The following SIRPB1 variants were observed in gnomAD, a reference collection of about 807,000 sequenced individuals.
SIRPB1 encodes signal-regulatory protein beta-1.
Under a neutral mutation model 34.1 loss-of-function variants are expected in SIRPB1, and 28 were observed. That is an observed-to-expected ratio of 0.82 (90% CI 0.61 to 1.12). The LOEUF (loss-of-function observed/expected upper bound fraction) is 1.12. Among genes scored for constraint, SIRPB1 ranks in the 50% most tolerant of loss-of-function variants. The pLI is 0.00. For synonymous variants in SIRPB1, 211 were observed against 203.8 expected, an observed-to-expected ratio of 1.04 and a Z score of -0.30; for missense variants, 499 against 507.0, an observed-to-expected ratio of 0.98 and a Z score of 0.15.
rs1278949770 is a variant in SIRPB1 at position 1,584,069 on chromosome 20, T to C, written c.77-5375A>G. Among the ~76,000 whole-genome samples the C allele has an allele frequency of 8.2e-5, 4 of 48,754 alleles. 2 individuals carry two copies. The highest frequency in any genetic ancestry group is 5.4e-4 in the African/African-American group (4 of 7,384). The allele number at this position is 48,754 out of a possible 152,430, so 32.0% of individuals were successfully genotyped here. On this transcript the variant is annotated intron_variant, in intron 1 of 5. Transcript: ENST00000381605. ...AGAAAGCATTTGACAATATTTAACA[T>C]TTTTTAATCATAAAAGCTCTCAAGA...
chr20:1,565,163 C>T lies in SIRPB1; in HGVS notation c.*337G>A. 2 of 397,756 alleles carry T rather than the reference C, an allele frequency of 5.0e-6. No homozygotes were observed. Among genetic ancestry groups the T allele is most frequent in the Middle Eastern group, 6.3e-4 (1 of 1,594 alleles). 24.6% of individuals were successfully genotyped at this position (397,756 alleles called of 1,614,324 possible). ...CAGGAATCCAGAAGACAGGATAACTCTTGAGAGCCTGGAGAGAGTCTGTGG... is the reference window on the plus strand; with the variant it reads ...CAGGAATCCAGAAGACAGGATAACTTTTGAGAGCCTGGAGAGAGTCTGTGG... On this transcript the variant is annotated 3_prime_UTR_variant, in exon 6 of 6. Coordinates refer to ENST00000381605, the MANE Select transcript of SIRPB1 (RefSeq NM_006065.5).
intron 3 of SIRPB1, among the ~76,000 whole-genome samples, chr20:1,571,355 C>G (rs1268563709): frequency 1.3e-5 from 2 of 152,222 alleles, no homozygotes; most frequent in Non-Finnish European, 2.9e-5. Flanking sequence ...TTAGCTGCTG[C>G]TAGGCTAAGG....
At position 1,572,031 on chromosome 20, in the gene SIRPB1, G is replaced by A. The variant is rs1196910449; in HGVS notation, c.440C>T (p.Pro147Leu). ...AGTELSVRAK[P>L]SAPVVSGPAV... ...AGGGCCCGATACCACGGGGGCAGAG[G>A]GTTTGGCTACAAAAGGACCATCGAT... The change falls in exon 3 of 6, where the codon CCC becomes CTC. Residue 147 changes from proline to leucine, a missense_variant. By Grantham distance (98) the Pro-to-Leu change is moderately conservative (BLOSUM62 -3). Transcript: ENST00000381605. The A allele has an allele frequency of 1.9e-6, 3 of 1,613,948 alleles. No individual in the cohort carries two copies. The highest frequency in any genetic ancestry group is 2.5e-6 in the Non-Finnish European group (3 of 1,179,934).
In SIRPB1 at chr20:1,571,067, C is replaced by A. The variant is rs752436961; in HGVS notation, c.822G>T (p.Val274=). ...AENQANVTCQ[V]SNFYPRGLQL... is the part of the protein sequence containing the mutation. ...GTAGTCCCCGGGGGTAGAAATTGCT[C>A]ACCTGGCAGGTGACGTTTGCCTGGT... The change falls in exon 4 of 6, where the codon GTG becomes GTT. Residue 274 remains valine, a synonymous_variant. Coordinates refer to ENST00000381605, the MANE Select transcript of SIRPB1 (RefSeq NM_006065.5). 3.7e-6 allele frequency: 6 copies of A among 1,614,032 alleles called. No individual in the cohort carries two copies. The highest frequency in any genetic ancestry group is 2.5e-6 in the Non-Finnish European group (3 of 1,179,990).
chr20:1,571,204 C>T (rs748402498), intron 3 of SIRPB1, 67 bp from the exon 4 acceptor site: 118 of 1,478,090 alleles, frequency 8.0e-5, no homozygotes, highest in African/African-American at 1.9e-4. Flanking sequence ...GGCTAAATAA[C>T]GTAGCTCCCA....
rs2091086542 is a variant in SIRPB1 at position 1,561,982 on chromosome 20, AT to A, written c.*3517del. Among the ~76,000 whole-genome samples, 1 of 152,092 alleles carries A rather than the reference AT, an allele frequency of 6.6e-6. No individual in the cohort carries two copies. Among genetic ancestry groups the A allele is most frequent in the African/African-American group, 2.4e-5 (1 of 41,406 alleles). ...CTCTTCTTTCCCATTAATTTATTCAATCATTTATTTATATCAGTATGGACTC... is the reference window on the plus strand; with the variant it reads ...CTCTTCTTTCCCATTAATTTATTCAACATTTATTTATATCAGTATGGACTC... On this transcript the variant is annotated 3_prime_UTR_variant, in exon 6 of 6. Coordinates refer to ENST00000381605, the MANE Select transcript of SIRPB1 (RefSeq NM_006065.5).
In SIRPB1 at chr20:1,570,790, G is replaced by A. The variant is rs762376745; in HGVS notation, c.1084+15C>T. 6.4e-7 allele frequency: 1 copy of A among 1,556,536 alleles called. No homozygotes were observed. Among genetic ancestry groups the A allele is most frequent in the Non-Finnish European group, 8.7e-7 (1 of 1,147,554 alleles). On this transcript the variant is annotated intron_variant, in intron 4 of 5. Transcript: ENST00000381605. ...AAAGAAAAAGACAAAATTTAAAAAT[G>A]GGAAGTAACCGCACCATGGGTGATA... is the stretch of plus-strand genomic sequence containing the variant.
intron 2 of SIRPB1, among the ~76,000 whole-genome samples, chr20:1,576,229 A>G (rs2091307587): frequency 6.8e-6 from 1 of 147,898 alleles, no homozygotes; most frequent in African/African-American, 2.5e-5. Context: ...TATCTGCACA[A>G]TCAGGATAAA....
chr20:1,568,710 A>G (rs1306036146), intron 4 of SIRPB1, among the ~76,000 whole-genome samples: 1 of 152,048 alleles, frequency 6.6e-6, no homozygotes, highest in African/African-American at 2.4e-5. Flanking sequence ...AAGGGAGGAC[A>G]TAGAAAAGAG....
In SIRPB1 at chr20:1,580,822, T is replaced by A. The variant is rs2091390105; in HGVS notation, c.77-2128A>T. On this transcript the variant is annotated intron_variant, in intron 1 of 5. Coordinates refer to ENST00000381605, the MANE Select transcript of SIRPB1 (RefSeq NM_006065.5). ...TCACAAACTTGTTAAAATACAGGAATCTACAAATTGAAGACACAGAAGAAA... is the reference window on the plus strand; with the variant it reads ...TCACAAACTTGTTAAAATACAGGAAACTACAAATTGAAGACACAGAAGAAA... Among the ~76,000 whole-genome samples the A allele has an allele frequency of 4.1e-5, 2 of 48,960 alleles. 1 individual carries two copies. Among genetic ancestry groups the A allele is most frequent in the African/African-American group, 2.7e-4 (2 of 7,418 alleles). 32.1% of individuals were successfully genotyped at this position (48,960 alleles called of 152,430 possible).
chr20:1,571,190 G>A lies in SIRPB1; in HGVS notation c.752-53C>T, dbSNP rs186306026. On this transcript the variant is annotated intron_variant, in intron 3 of 5. Coordinates refer to ENST00000381605, the MANE Select transcript of SIRPB1 (RefSeq NM_006065.5). ...ATCTTGTGGCACAGACAGATCACAG[G>A]GAGGGCTAAATAACGTAGCTCCCAC... 562 of 1,542,712 alleles carry A rather than the reference G, an allele frequency of 3.6e-4. 4 individuals carry two copies. In the East Asian group the frequency reaches 0.012, roughly 34 times the overall value.
rs1226398201 is a variant in SIRPB1, at chr20:1,562,140, T to C, written c.*3360A>G. Among the ~76,000 whole-genome samples, 1 of 152,326 alleles carries C rather than the reference T, an allele frequency of 6.6e-6. No homozygotes were observed. The highest frequency in any genetic ancestry group is 1.5e-5 in the Non-Finnish European group (1 of 68,014). ...CGCCTCTTTGATGTACTCCAGTCAC[T>C]GTGGGTTTTGGTTTTGGGGTTGACT... is the stretch of plus-strand genomic sequence containing the variant. On this transcript the variant is annotated 3_prime_UTR_variant, in exon 6 of 6. Transcript: ENST00000381605.
In SIRPB1 at chr20:1,564,208, G is replaced by A. The variant is rs1191259819; in HGVS notation, c.*1292C>T. ...GTTTTTCTGATTGACTATGGAGACT[G>A]CTTTCCTGGGTTTCAGGTTGCACAG... On this transcript the variant is annotated 3_prime_UTR_variant, in exon 6 of 6. Coordinates refer to ENST00000381605, the MANE Select transcript of SIRPB1 (RefSeq NM_006065.5). 1 of 152,204 alleles carries A rather than the reference G, an allele frequency of 6.6e-6. No individual in the cohort carries two copies. 9.4% of individuals were successfully genotyped at this position (152,204 alleles called of 1,614,324 possible).
intron 1 of SIRPB1, among the ~76,000 whole-genome samples, chr20:1,617,928 TACATATGTATACAC>T (rs925602554): frequency 7.9e-5 from 12 of 152,290 alleles, no homozygotes; most frequent in African/African-American, 2.6e-4. Flanking sequence ...TACATGCATA[TACATATGTATACAC>T]ACATATGTAT....
rs2122264585 is a variant in SIRPB1, at chr20:1,597,673, A to G, written c.77-18979T>C. On this transcript the variant is annotated intron_variant, in intron 1 of 5. Transcript: ENST00000381605. ...TGAGATTTGTAGGGAAAAAATATCC[A>G]AATTATATCATACGTATAAACAAAG... is the stretch of plus-strand genomic sequence containing the variant. 2 of 267,558 alleles carry G rather than the reference A, an allele frequency of 7.5e-6. 1 individual carries two copies. The highest frequency in any genetic ancestry group is 2.6e-4 in the Admixed American group (2 of 7,816). 16.6% of individuals were successfully genotyped at this position (267,558 alleles called of 1,614,324 possible).
At position 1,619,993 on chromosome 20, in the gene SIRPB1, A is replaced by T. The variant is rs2091686823; in HGVS notation, c.-49T>A. 1 of 1,558,822 alleles carries T rather than the reference A, an allele frequency of 6.4e-7. No homozygotes were observed. ...CTGTCCAAACGTCTGTGCTGGGAAG[A>T]TCGCAGACTCTGCTCTGAGGAGAGA... On this transcript the variant is annotated 5_prime_UTR_variant, in exon 1 of 6. Coordinates refer to ENST00000381605, the MANE Select transcript of SIRPB1 (RefSeq NM_006065.5).
Position 1,611,353 on chromosome 20 carries a change from T to C in SIRPB1, c.76+8516A>G. 3.3e-6 allele frequency: 3 copies of C among 895,950 alleles called. 1 individual carries two copies. The highest frequency in any genetic ancestry group is 4.4e-6 in the Non-Finnish European group (3 of 682,094). 55.5% of individuals were successfully genotyped at this position (895,950 alleles called of 1,614,324 possible). A position where few individuals can be genotyped will look rare whatever the true frequency, so the allele number is the denominator to read the frequency against. On this transcript the variant is annotated intron_variant, in intron 1 of 5. Transcript: ENST00000381605. ...GGGATGAAGGAAGCCCACGCTGTAC[T>C]CACCACGCACAGACAGCTCGGTGCC...
rs1345566520 is a variant in SIRPB1, at chr20:1,561,918, A to G, written c.*3582T>C. 1.3e-5 allele frequency among the ~76,000 whole-genome samples: 2 copies of G among 152,160 alleles called. No homozygotes were observed. Among genetic ancestry groups the G allele is most frequent in the Non-Finnish European group, 2.9e-5 (2 of 68,028 alleles). On this transcript the variant is annotated 3_prime_UTR_variant, in exon 6 of 6. Transcript: ENST00000381605. ...CCACCTCCTTTAGAGTGGAGTGTAT[A>G]AATAAATTATCTGGGACTCTTCTGC... is the stretch of plus-strand genomic sequence containing the variant.
intron 4 of SIRPB1, among the ~76,000 whole-genome samples, chr20:1,567,132 AAGG>A (rs909086738): frequency 8.5e-5 from 13 of 152,112 alleles, no homozygotes; most frequent in African/African-American, 2.9e-4. Flanking sequence ...GTGGGTCCTT[AAGG>A]AAGGAATGGA....
Sources: gnomAD v4.1 joint callset for allele counts (sites outside exome capture counted in the v4.1 genomes callset) on GRCh38, gnomAD v4.1.1 for gene constraint, MANE v1.5 for transcripts, NCBI Gene and HGNC (gene_info 2026-07-23, HGNC 2026-07-21) for gene names.